TRPC1: variants seen among roughly 807,000 people sequenced by gnomAD.
TRPC1 encodes short transient receptor potential channel 1.
A neutral mutation model predicts 88.2 loss-of-function variants in TRPC1; 42 were observed. The ratio of observed to expected loss-of-function variants is 0.48; its 90% CI spans 0.37 to 0.62. The LOEUF is 0.62. Ranked by LOEUF, TRPC1 falls within the 20% of genes least tolerant of loss-of-function variation. The probability of loss-of-function intolerance (pLI) is 0.00; values close to 1 mark genes in which losing one functional copy is unlikely to be tolerated. For synonymous variants in TRPC1, 288 were observed against 331.8 expected, an observed-to-expected ratio of 0.87 and a Z score of 1.43; for missense variants, 699 against 957.3, an observed-to-expected ratio of 0.73 and a Z score of 3.56.
At chr3:142,774,974 AG>A (rs1396671360) in intron 4 of TRPC1, among the ~76,000 whole-genome samples, 1 of 152,220 alleles carries the variant, frequency 6.6e-6, no homozygotes, top group African/African-American at 2.4e-5. Context: ...GACATGATAA[AG>A]TAGGTTAATA....
intron 7 of TRPC1, among the ~76,000 whole-genome samples, chr3:142,787,141 T>C (rs920377533): frequency 1.3e-5 from 2 of 152,232 alleles, no homozygotes; most frequent in African/African-American, 4.8e-5. Context: ...AGAATGCATG[T>C]GCATTAAGCC....
chr3:142,747,452 C>T lies in TRPC1; in HGVS notation c.430-806C>T, dbSNP rs182671389. 1.2e-4 allele frequency among the ~76,000 whole-genome samples: 19 copies of T among 152,120 alleles called. No individual in the cohort carries two copies. The East Asian group carries it at 3.5e-3, about 28-fold the overall frequency. Reference sequence around the variant, plus strand: ...TATTTTCCTCATTTCATGCTCTTACCACACCCATGGACTCCTGTAGTGGAA... The same window carrying T: ...TATTTTCCTCATTTCATGCTCTTACTACACCCATGGACTCCTGTAGTGGAA... On this transcript the variant is annotated intron_variant, in intron 3 of 12. Coordinates refer to ENST00000476941, the MANE Select transcript of TRPC1 (RefSeq NM_001251845.2).
intron 4 of TRPC1, among the ~76,000 whole-genome samples, chr3:142,777,034 A>G (rs1935799018): frequency 1.3e-5 from 2 of 150,112 alleles, no homozygotes; most frequent in South Asian, 4.3e-4. Context: ...GGTTCAAACC[A>G]GGCACAGTGG....
intron 2 of TRPC1, among the ~76,000 whole-genome samples, chr3:142,738,959 T>A (rs1934244020): frequency 6.6e-6 from 1 of 151,942 alleles, no homozygotes; most frequent in Non-Finnish European, 1.5e-5. Flanking sequence ...CAGGGATGAG[T>A]TAGATATTAT....
At chr3:142,758,786 T>C (rs1056006966) in intron 4 of TRPC1, among the ~76,000 whole-genome samples, 3 of 152,014 alleles carry the variant, frequency 2.0e-5, no homozygotes, top group African/African-American at 7.3e-5. Flanking sequence ...GGTTAACTTG[T>C]CATTTACATT....
At chr3:142,790,890 G>C (rs1046507764) in intron 7 of TRPC1, 129 bp from the exon 8 acceptor site, 1 of 745,402 alleles carries the variant, frequency 1.3e-6, no homozygotes, top group Non-Finnish European at 1.8e-6. Flanking sequence ...AAATGTTTTT[G>C]GTTTTGTTTT....
At chr3:142,796,643 A>G (rs758043960) in intron 9 of TRPC1, among the ~76,000 whole-genome samples, 5 of 148,860 alleles carry the variant, frequency 3.4e-5, no homozygotes, top group Non-Finnish European at 5.9e-5. Context: ...TGTAGCACAT[A>G]CTATTGGAAA....
At chr3:142,770,548 TTAATC>T (rs1227884274) in intron 4 of TRPC1, among the ~76,000 whole-genome samples, 2 of 152,232 alleles carry the variant, frequency 1.3e-5, no homozygotes, top group African/African-American at 4.8e-5. Context: ...GCTTTTAATT[TTAATC>T]TATTTGTGTC....
chr3:142,725,100 A>G (rs1024208021), intron 1 of TRPC1, among the ~76,000 whole-genome samples: 7 of 152,198 alleles, frequency 4.6e-5, no homozygotes, highest in African/African-American at 1.7e-4. Flanking sequence ...CCGGGAGTCG[A>G]GAGGCTAGTT....
Position 142,807,593 on chromosome 3 carries a change from T to C in TRPC1, c.*1358T>C, listed in dbSNP as rs1047956590. 3 of 152,232 alleles carry C rather than the reference T, an allele frequency of 2.0e-5. No individual in the cohort carries two copies. The highest frequency in any genetic ancestry group is 1.3e-4 in the Admixed American group (2 of 15,284). The allele number at this position is 152,232 out of a possible 1,614,324, so 9.4% of individuals were successfully genotyped here. ...AAATAGGTTACTATTGTTTGTTTCATCTTGCTTTTGCATTTTTATTTTTTA... is the reference window on the plus strand; with the variant it reads ...AAATAGGTTACTATTGTTTGTTTCACCTTGCTTTTGCATTTTTATTTTTTA... On this transcript the variant is annotated 3_prime_UTR_variant, in exon 13 of 13. Coordinates refer to ENST00000476941, the MANE Select transcript of TRPC1 (RefSeq NM_001251845.2).
In TRPC1 at chr3:142,736,493, A is replaced by C; in HGVS notation, c.287A>C (p.Asn96Thr). The C allele has an allele frequency of 2.5e-6, 4 of 1,611,498 alleles. No homozygotes were observed. The South Asian group carries it at 4.4e-5, about 18-fold the overall frequency. The change falls in exon 2 of 13, where the codon AAC (asparagine) becomes ACC (threonine). Residue 96 changes from asparagine (N) to threonine (T), a missense_variant. Coordinates refer to ENST00000476941, the MANE Select transcript of TRPC1 (RefSeq NM_001251845.2). ...NAVTITIENE[N>T]LDILQLLLDY... is the part of the protein sequence containing the mutation. ...GTTACCATAACTATTGAAAACGAAA[A>C]CTTGGATATACTGCAGCTTCTTTTG...
intron 7 of TRPC1, among the ~76,000 whole-genome samples, chr3:142,788,502 T>C (rs1176327801): frequency 1.3e-5 from 2 of 152,064 alleles, no homozygotes; most frequent in African/African-American, 4.8e-5. Flanking sequence ...GTTTCGGATA[T>C]GTTGAGTTTG....
In TRPC1 at chr3:142,743,968, A is replaced by G. The variant is rs867494937; in HGVS notation, c.429+382A>G. Among the ~76,000 whole-genome samples, 42 of 152,310 alleles carry G rather than the reference A, an allele frequency of 2.8e-4. 1 individual carries two copies. The Middle Eastern group carries it at 0.01, about 37-fold the overall frequency. On this transcript the variant is annotated intron_variant, in intron 3 of 12. Coordinates refer to ENST00000476941, the MANE Select transcript of TRPC1 (RefSeq NM_001251845.2). ...TCGTGAGTAGAAAGACTTTATGTGCATAAAAGCAATGGACAGAAATCACAG... is the reference window on the plus strand; with the variant it reads ...TCGTGAGTAGAAAGACTTTATGTGCGTAAAAGCAATGGACAGAAATCACAG...
intron 8 of TRPC1, 125 bp downstream of exon 8, chr3:142,791,283 G>A (rs1936288742): frequency 1.2e-6 from 1 of 801,982 alleles, no homozygotes; most frequent in Admixed American, 3.5e-5. Flanking sequence ...TTCATTTTAA[G>A]CCTATCTGTG....
rs989744081 is a variant in TRPC1, at chr3:142,807,154, T to C, written c.*919T>C. On this transcript the variant is annotated 3_prime_UTR_variant, in exon 13 of 13. Coordinates refer to ENST00000476941, the MANE Select transcript of TRPC1 (RefSeq NM_001251845.2). ...ATAGGAGACACTTTTTTATCACATG[T>C]AGTCACAACCTGTTTTGTTTTTGTA... 6.6e-6 allele frequency: 1 copy of C among 152,152 alleles called. No individual in the cohort carries two copies. The highest frequency in any genetic ancestry group is 2.4e-5 in the African/African-American group (1 of 41,450). The allele number at this position is 152,152 out of a possible 1,614,324, so 9.4% of individuals were successfully genotyped here.
intron 4 of TRPC1, among the ~76,000 whole-genome samples, chr3:142,770,093 CTTT>C (rs779905124): frequency 2.1e-5 from 2 of 95,256 alleles, no homozygotes; most frequent in African/African-American, 4.8e-5. Flanking sequence ...TTGTATGTTC[CTTT>C]TTTTTTTTTT....
At chr3:142,802,959 A>G (rs1936669433) in intron 10 of TRPC1, among the ~76,000 whole-genome samples, 2 of 152,186 alleles carry the variant, frequency 1.3e-5, no homozygotes, top group Admixed American at 6.5e-5. Flanking sequence ...TCTTATGTAA[A>G]GAATAAGATT....
At chr3:142,764,643 G>T (rs1027518209) in intron 4 of TRPC1, among the ~76,000 whole-genome samples, 1 of 151,922 alleles carries the variant, frequency 6.6e-6, no homozygotes, top group Admixed American at 6.6e-5. Context: ...AGATGAATTG[G>T]GGCTTCTTTA....
intron 6 of TRPC1, 39 bp downstream of exon 6, chr3:142,781,068 T>C (rs1049623082): frequency 2.0e-6 from 3 of 1,522,316 alleles, no homozygotes; most frequent in Non-Finnish European, 2.6e-6. Flanking sequence ...TTATTTTCTC[T>C]ACAGTAGTCT....
Sources: allele counts gnomAD v4.1 joint callset (sites outside exome capture counted in the v4.1 genomes callset), GRCh38; gene constraint gnomAD v4.1.1; transcripts MANE v1.5; gene names NCBI Gene and HGNC (gene_info 2026-07-23, HGNC 2026-07-21).